ATP9A: variants seen among roughly 807,000 people sequenced by gnomAD.
ATP9A encodes the protein probable phospholipid-transporting ATPase IIA.
ATP9A carries 52 observed loss-of-function variants against 144.1 expected under a neutral mutation model. That is an observed-to-expected ratio of 0.36 (90% CI 0.29 to 0.45). The LOEUF (loss-of-function observed/expected upper bound fraction) is 0.45, where lower values mean the gene tolerates loss of function less well. Ranked by LOEUF, ATP9A falls within the 20% of genes least tolerant of loss-of-function variation. The pLI, the probability that ATP9A is intolerant of heterozygous loss-of-function variation, is 1.00. For missense variants in ATP9A, 947 were observed against 1,392.7 expected (o/e 0.68, Z 5.09); for synonymous variants, 582 against 557.4 (o/e 1.04, Z -0.62).
intron 1 of ATP9A, among the ~76,000 whole-genome samples, chr20:51,743,693 G>T (rs750632366): frequency 2.2e-5 from 3 of 137,994 alleles, no homozygotes; most frequent in African/African-American, 5.3e-5. Context: ...ATGAGCCACC[G>T]TGCCCAGCCC....
chr20:51,718,814 C>CAAAAA (rs71192550), intron 3 of ATP9A, among the ~76,000 whole-genome samples: 23 of 57,688 alleles, frequency 4.0e-4, no homozygotes, highest in African/African-American at 8.9e-4. Context: ...GACTCCATCT[C>CAAAAA]AAAAAAAAAA....
In ATP9A at chr20:51,656,984, T is replaced by G; in HGVS notation, c.1460A>C (p.Gln487Pro). The G allele has an allele frequency of 6.2e-7, 1 of 1,614,198 alleles. No individual in the cohort carries two copies. The highest frequency in any genetic ancestry group is 8.5e-7 in the Non-Finnish European group (1 of 1,180,034). Residue 487 changes from glutamine (Q) to proline (P), a missense_variant, in exon 14 of 28, where the codon CAG becomes CCG. This residue lies in a region of ATP9A where 770 missense variants were observed against 1,047.9 expected (regional missense o/e 0.73). Transcript: ENST00000338821. ...GVTDQAEAEK[Q>P]YEDSCRVYQA... ...GTATACGCGGCAGGAGTCTTCGTACTGCTTCTCGGCCTCAGCCTGATCAGT... is the reference window on the plus strand; with the variant it reads ...GTATACGCGGCAGGAGTCTTCGTACGGCTTCTCGGCCTCAGCCTGATCAGT...
At chr20:51,690,486 C>T (rs11699255) in intron 8 of ATP9A, among the ~76,000 whole-genome samples, 4,653 of 152,260 alleles carry the variant, frequency 0.031, 90 homozygotes, top group Non-Finnish European at 0.048. Context: ...CAGACGCCAG[C>T]GTTCACATGA....
intron 1 of ATP9A, among the ~76,000 whole-genome samples, chr20:51,743,623 TTGAA>T (rs2077794756): frequency 6.8e-6 from 1 of 147,996 alleles, no homozygotes; most frequent in African/African-American, 2.5e-5. Context: ...TGGTCTGGTC[TTGAA>T]CTACTGACCT....
At chr20:51,633,123 C>CA (rs2077276418) in intron 15 of ATP9A, among the ~76,000 whole-genome samples, 2 of 151,718 alleles carry the variant, frequency 1.3e-5, no homozygotes, top group Non-Finnish European at 2.9e-5. Flanking sequence ...GACTCCATCT[C>CA]AAAAAACAAA....
intron 1 of ATP9A, among the ~76,000 whole-genome samples, chr20:51,758,592 C>T (rs2077866004): frequency 6.6e-6 from 1 of 152,222 alleles, no homozygotes; most frequent in Admixed American, 6.5e-5. Context: ...GACTGGACTA[C>T]AGGGACCTCC....
chr20:51,722,293 A>G (rs1238745778), intron 3 of ATP9A, among the ~76,000 whole-genome samples: 1 of 152,242 alleles, frequency 6.6e-6, no homozygotes, highest in Non-Finnish European at 1.5e-5. Flanking sequence ...CAAGGATTTC[A>G]TGACCAAGAA....
intron 1 of ATP9A, among the ~76,000 whole-genome samples, chr20:51,757,656 G>C (rs989669447): frequency 3.3e-5 from 5 of 152,152 alleles, no homozygotes; most frequent in Non-Finnish European, 5.9e-5. Flanking sequence ...TGTAGTCCCA[G>C]CACTTTGACA....
intron 2 of ATP9A, among the ~76,000 whole-genome samples, chr20:51,729,144 T>C (rs987998092): frequency 1.3e-5 from 2 of 152,240 alleles, no homozygotes; most frequent in Non-Finnish European, 2.9e-5. Context: ...CTTGCCAATA[T>C]TGACTACATG....
In ATP9A at chr20:51,608,657, T is replaced by A. The variant is rs1351577435; in HGVS notation, c.2637-31A>T. ...AGAGAAAACCGCCATAGGTAAGACC[T>A]GGCTGACGCGATAGGAGCTATGTGC... On this transcript the variant is annotated intron_variant, in intron 24 of 27. Transcript: ENST00000338821. The A allele has an allele frequency of 2.1e-6, 3 of 1,419,322 alleles. No homozygotes were observed. The Admixed American group carries it at 5.0e-5, about 24-fold the overall frequency. 87.9% of individuals were successfully genotyped at this position (1,419,322 alleles called of 1,614,324 possible).
chr20:51,706,284 C>T (rs2077614332), intron 4 of ATP9A, among the ~76,000 whole-genome samples: 1 of 152,238 alleles, frequency 6.6e-6, no homozygotes, highest in Non-Finnish European at 1.5e-5. Flanking sequence ...GTTTTACATG[C>T]AAACAAGCCT....
intron 13 of ATP9A, among the ~76,000 whole-genome samples, chr20:51,657,395 T>C (rs930032411): frequency 3.3e-5 from 5 of 151,968 alleles, no homozygotes; most frequent in African/African-American, 1.2e-4. Flanking sequence ...CGAGAACGAT[T>C]CTACCTGCAG....
At chr20:51,609,213 G>A (rs996049287) in intron 24 of ATP9A, among the ~76,000 whole-genome samples, 1 of 152,088 alleles carries the variant, frequency 6.6e-6, no homozygotes, top group Non-Finnish European at 1.5e-5. Context: ...AAGGTCGCAC[G>A]GCGCACAGCT....
At chr20:51,658,888 C>CGGTGGGGGGGGGG (rs746874247) in intron 13 of ATP9A, among the ~76,000 whole-genome samples, 2 of 54,826 alleles carry the variant, frequency 3.6e-5, no homozygotes. Flanking sequence ...AGACCACTGG[C>CGGTGGGGGGGGGG]GGGGGGGGGG....
At chr20:51,653,648 A>G (rs1186680756) in intron 14 of ATP9A, among the ~76,000 whole-genome samples, 1 of 152,116 alleles carries the variant, frequency 6.6e-6, no homozygotes, top group Non-Finnish European at 1.5e-5. Flanking sequence ...TTTGCCAGGC[A>G]TGGTGGCGCA....
At chr20:51,675,468 G>A (rs534501451) in intron 10 of ATP9A, among the ~76,000 whole-genome samples, 10 of 152,272 alleles carry the variant, frequency 6.6e-5, no homozygotes, top group South Asian at 6.2e-4. Context: ...TCCTGAAGCC[G>A]TTTCTCATGG....
intron 11 of ATP9A, among the ~76,000 whole-genome samples, chr20:51,673,493 A>C (rs1024340639): frequency 2.6e-5 from 4 of 152,158 alleles, no homozygotes; most frequent in African/African-American, 9.7e-5. Context: ...GTCAATCACA[A>C]CACCATTTCC....
At chr20:51,765,639 T>G (rs2077900339) in intron 1 of ATP9A, among the ~76,000 whole-genome samples, 3 of 46,520 alleles carry the variant, frequency 6.4e-5, no homozygotes, top group Non-Finnish European at 1.4e-4. Context: ...TGAAGCTACA[T>G]CTCAAAAAAA....
chr20:51,616,634 TAACA>T (rs2077204055), intron 22 of ATP9A, among the ~76,000 whole-genome samples: 1 of 152,180 alleles, frequency 6.6e-6, no homozygotes, highest in Non-Finnish European at 1.5e-5. Context: ...CACACAGTCC[TAACA>T]AACTCGGTGA....
Sources: gnomAD v4.1 joint callset for allele counts (sites outside exome capture counted in the v4.1 genomes callset) on GRCh38, gnomAD v4.1.1 for gene constraint, gnomAD v4.1.1 regional missense constraint, MANE v1.5 for transcripts, NCBI Gene and HGNC (gene_info 2026-07-23, HGNC 2026-07-21) for gene names.